The following GRIN3A variants were observed in gnomAD, a reference collection of about 807,000 sequenced individuals.
GRIN3A encodes glutamate ionotropic receptor NMDA type subunit 3A.
Under a neutral mutation model 92.4 loss-of-function variants are expected in GRIN3A, and 47 were observed. The ratio of observed to expected loss-of-function variants is 0.51; its 90% CI spans 0.40 to 0.65. GRIN3A has a LOEUF of 0.65. Ranked by LOEUF, GRIN3A falls within the 30% of genes least tolerant of loss-of-function variation. The probability of loss-of-function intolerance (pLI) is 0.00; values close to 1 mark genes in which losing one functional copy is unlikely to be tolerated. For synonymous variants in GRIN3A, 527 were observed against 540.6 expected, an observed-to-expected ratio of 0.97 and a Z score of 0.35; for missense variants, 1,324 against 1,393.1, an observed-to-expected ratio of 0.95 and a Z score of 0.79.
intron 1 of GRIN3A, among the ~76,000 whole-genome samples, chr9:101,703,641 G>T (rs1346340412): frequency 1.3e-5 from 2 of 152,146 alleles, no homozygotes; most frequent in Non-Finnish European, 2.9e-5. Context: ...ACGTTCAGTG[G>T]CATTTGGTGG....
Position 101,686,863 on chromosome 9 carries a change from C to A in GRIN3A, c.1037G>T (p.Gly346Val), listed in dbSNP as rs757231203. ...CCAACGAAGTTCAGGGGGCATGACCCCAAACTGGGTTGTAATTTCGAAAAT... is the reference window on the plus strand; with the variant it reads ...CCAACGAAGTTCAGGGGGCATGACCACAAACTGGGTTGTAATTTCGAAAAT... ...RRIFEITTQF[G>V]VMPPELRWVL... Residue 346 changes from glycine to valine, a missense_variant, in exon 2 of 9, where the codon GGG becomes GTG. By Grantham distance (109) the Gly-to-Val change is moderately radical (BLOSUM62 -3). Transcript: ENST00000361820. The A allele has an allele frequency of 1.8e-5, 29 of 1,614,216 alleles. No individual in the cohort carries two copies. The South Asian group carries it at 2.4e-4, about 13-fold the overall frequency.
chr9:101,658,332 C>G (rs2118928145), intron 3 of GRIN3A, among the ~76,000 whole-genome samples: 1 of 152,036 alleles, frequency 6.6e-6, no homozygotes, highest in South Asian at 2.1e-4. Flanking sequence ...TTTTTATTTT[C>G]TGTTCCTGAA....
intron 5 of GRIN3A, 79 bp downstream of exon 5, chr9:101,623,239 C>G (rs1828581805): frequency 2.2e-6 from 2 of 908,490 alleles, no homozygotes; most frequent in Non-Finnish European, 3.7e-6. Flanking sequence ...TTGCTTCTGA[C>G]TTTGGCATTT....
chr9:101,659,116 T>G (rs903484768), intron 3 of GRIN3A, among the ~76,000 whole-genome samples: 11 of 151,902 alleles, frequency 7.2e-5, no homozygotes, highest in African/African-American at 2.4e-4. Flanking sequence ...AAATATTTAT[T>G]GAGCATGAAA....
At chr9:101,716,401 G>A (rs1413726949) in intron 1 of GRIN3A, among the ~76,000 whole-genome samples, 8 of 152,018 alleles carry the variant, frequency 5.3e-5, no homozygotes, top group East Asian at 3.9e-4. Context: ...CTTGATATAA[G>A]CTATTCTATT....
chr9:101,686,477 A>G (rs1022670197), intron 2 of GRIN3A, 119 bp downstream of exon 2: 1 of 1,120,282 alleles, frequency 8.9e-7, no homozygotes. Context: ...CCTCTAAGAA[A>G]TATTATTAAA....
chr9:101,647,249 A>G lies in GRIN3A; in HGVS notation c.2353-18848T>C, dbSNP rs192282552. Among the ~76,000 whole-genome samples the G allele has an allele frequency of 1.2e-3, 179 of 151,952 alleles. 1 individual carries two copies. The highest frequency in any genetic ancestry group is 4.0e-3 in the African/African-American group (167 of 41,502). On this transcript the variant is annotated intron_variant, in intron 3 of 8. Transcript: ENST00000361820. ...TGCTTTTTCAGTATCTCTTGAAATG[A>G]TCATATGTTTTTTGTTCTTGATTCT...
chr9:101,717,401 T>A (rs945750468), intron 1 of GRIN3A, among the ~76,000 whole-genome samples: 1 of 152,206 alleles, frequency 6.6e-6, no homozygotes, highest in Non-Finnish European at 1.5e-5. Flanking sequence ...GAGTTCTGAT[T>A]TGATAAATCT....
intron 3 of GRIN3A, among the ~76,000 whole-genome samples, chr9:101,663,545 C>T (rs1829202641): frequency 6.6e-6 from 1 of 151,784 alleles, no homozygotes; most frequent in African/African-American, 2.4e-5. Flanking sequence ...TTATGGCATC[C>T]TTCCCTTCTT....
intron 3 of GRIN3A, among the ~76,000 whole-genome samples, chr9:101,631,454 A>G (rs999203749): frequency 6.6e-6 from 1 of 152,182 alleles, no homozygotes; most frequent in African/African-American, 2.4e-5. Flanking sequence ...CATTCTTTAC[A>G]TTATGTTGTG....
At chr9:101,595,824 A>G (rs1276171611) in intron 6 of GRIN3A, among the ~76,000 whole-genome samples, 1 of 152,166 alleles carries the variant, frequency 6.6e-6, no homozygotes, top group African/African-American at 2.4e-5. Flanking sequence ...CCTGGCGGCT[A>G]TTCTGCAGAA....
intron 3 of GRIN3A, among the ~76,000 whole-genome samples, chr9:101,635,253 G>A (rs1054479263): frequency 1.3e-5 from 2 of 149,862 alleles, no homozygotes; most frequent in Non-Finnish European, 3.0e-5. Flanking sequence ...GGGACTAGAG[G>A]TCAGCAAATT....
At position 101,573,260 on chromosome 9, in the gene GRIN3A, C is replaced by A. The variant is rs1827783679; in HGVS notation, c.3262G>T (p.Val1088Leu). ...GCCAGCTGCAGCTCCTGACGGATCA[C>A]CTGAATCTGCTTCTCGAGCTCTGAG... ...ELSELEKQIQ[V>L]IRQELQLAVS... Residue 1088 changes from valine (V) to leucine (L), a missense_variant, in exon 9 of 9, where the codon GTG becomes TTG. Transcript: ENST00000361820. The A allele has an allele frequency of 6.2e-7, 1 of 1,613,986 alleles. No individual in the cohort carries two copies. The highest frequency in any genetic ancestry group is 1.3e-5 in the African/African-American group (1 of 74,918).
chr9:101,670,015 A>ATT (rs1829295688), intron 3 of GRIN3A, 45 bp downstream of exon 3: 2 of 1,362,728 alleles, frequency 1.5e-6, no homozygotes, highest in African/African-American at 2.9e-5. Flanking sequence ...AACATACGGA[A>ATT]TTATAATGGA....
At chr9:101,714,798 T>C (rs1361400928) in intron 1 of GRIN3A, among the ~76,000 whole-genome samples, 2 of 152,176 alleles carry the variant, frequency 1.3e-5, no homozygotes, top group South Asian at 2.1e-4. Flanking sequence ...GAACTATTCA[T>C]AGACATGTCT....
In GRIN3A at chr9:101,577,762, T is replaced by A; in HGVS notation, c.3008+6A>T. 6.2e-7 allele frequency: 1 copy of A among 1,605,018 alleles called. No homozygotes were observed. Among genetic ancestry groups the A allele is most frequent in the Non-Finnish European group, 8.5e-7 (1 of 1,172,206 alleles). On this transcript the variant is annotated splice_donor_region_variant and intron_variant, in intron 8 of 8. Coordinates refer to ENST00000361820, the MANE Select transcript of GRIN3A (RefSeq NM_133445.3). ...ATAAAGACAGTTGCCATTGGCCCCTTCTTACCTCTTTTCCACACGTTTGGT... is the reference window on the plus strand; with the variant it reads ...ATAAAGACAGTTGCCATTGGCCCCTACTTACCTCTTTTCCACACGTTTGGT...
At chr9:101,584,394 T>G (rs994436449) in intron 6 of GRIN3A, among the ~76,000 whole-genome samples, 3 of 152,242 alleles carry the variant, frequency 2.0e-5, no homozygotes, top group Non-Finnish European at 4.4e-5. Context: ...AGAAAAAACA[T>G]AGTTTGTATC....
chr9:101,584,196 C>G (rs1438625302), intron 6 of GRIN3A, among the ~76,000 whole-genome samples: 1 of 152,124 alleles, frequency 6.6e-6, no homozygotes, highest in Non-Finnish European at 1.5e-5. Context: ...ATTTATTGCT[C>G]CAGTTGGTCC....
chr9:101,624,102 C>G (rs897749211), intron 4 of GRIN3A, among the ~76,000 whole-genome samples: 2 of 152,210 alleles, frequency 1.3e-5, no homozygotes, highest in African/African-American at 4.8e-5. Context: ...CTATGAGGAA[C>G]AGTTTCAGAA....
Sources: gnomAD v4.1 joint callset for allele counts (sites outside exome capture counted in the v4.1 genomes callset) on GRCh38, gnomAD v4.1.1 for gene constraint, MANE v1.5 for transcripts, NCBI Gene and HGNC (gene_info 2026-07-23, HGNC 2026-07-21) for gene names.